Variants in ZBTB7C observed in about 807,000 individuals in gnomAD.
The protein encoded by ZBTB7C is zinc finger and BTB domain-containing protein 7C.
ZBTB7C carries 8 observed loss-of-function variants against 25.7 expected under a neutral mutation model. The observed-to-expected ratio is 0.31, with a 90% CI of 0.18 to 0.56. The LOEUF (loss-of-function observed/expected upper bound fraction) is 0.56. ZBTB7C is among the 20% of genes least tolerant of loss of function. The probability of loss-of-function intolerance (pLI) is 0.91; values close to 1 mark genes in which losing one functional copy is unlikely to be tolerated. For synonymous variants in ZBTB7C, 394 were observed against 369.0 expected (o/e 1.07, Z -0.78); for missense variants, 824 against 855.2 (o/e 0.96, Z 0.46).
At chr18:48,303,994 G>A (rs1319854406) in intron 2 of ZBTB7C, among the ~76,000 whole-genome samples, 1 of 152,194 alleles carries the variant, frequency 6.6e-6, no homozygotes, top group Non-Finnish European at 1.5e-5. Context: ...TTCCAGAGGT[G>A]GGAGCTACGA....
chr18:48,178,398 G>T (rs571588494), intron 3 of ZBTB7C, among the ~76,000 whole-genome samples: 177 of 152,360 alleles, frequency 1.2e-3, no homozygotes, highest in Non-Finnish European at 1.9e-3. Context: ...GGCCTCTTCT[G>T]CCTGCTGCTT....
intron 3 of ZBTB7C, among the ~76,000 whole-genome samples, chr18:48,141,603 G>A (rs1172731342): frequency 6.6e-6 from 1 of 152,190 alleles, no homozygotes; most frequent in Non-Finnish European, 1.5e-5. Flanking sequence ...ACACTAGGTA[G>A]GCTAATATTT....
At chr18:48,095,449 T>C (rs546164588) in intron 3 of ZBTB7C, among the ~76,000 whole-genome samples, 8 of 152,264 alleles carry the variant, frequency 5.3e-5, no homozygotes, top group Non-Finnish European at 1.2e-4. Flanking sequence ...ATGCCACCCA[T>C]GTAACTAATC....
intron 2 of ZBTB7C, among the ~76,000 whole-genome samples, chr18:48,227,880 G>A (rs973584233): frequency 1.3e-4 from 20 of 152,192 alleles, no homozygotes; most frequent in Non-Finnish European, 2.6e-4. Context: ...TGAGAGGGCA[G>A]GAGTTTGGGT....
chr18:48,254,011 G>C (rs1032715930), intron 2 of ZBTB7C, among the ~76,000 whole-genome samples: 5 of 152,190 alleles, frequency 3.3e-5, no homozygotes, highest in Admixed American at 6.5e-5. Context: ...CCCCATAGAA[G>C]AAGTGAATCT....
intron 1 of ZBTB7C, among the ~76,000 whole-genome samples, chr18:48,355,967 C>G (rs928387558): frequency 3.9e-5 from 6 of 152,092 alleles, no homozygotes; most frequent in Non-Finnish European, 5.9e-5. Flanking sequence ...TTTTCCTGGG[C>G]CAGCATCCAC....
chr18:48,110,231 C>A (rs1417053634), intron 3 of ZBTB7C, among the ~76,000 whole-genome samples: 1 of 152,184 alleles, frequency 6.6e-6, no homozygotes, highest in Non-Finnish European at 1.5e-5. Context: ...ACAGTCCATA[C>A]CACACTGATC....
intron 3 of ZBTB7C, chr18:48,137,427 CCTT>C (rs1367280326): frequency 6.4e-5 from 35 of 549,894 alleles, no homozygotes; most frequent in Non-Finnish European, 8.1e-5. Flanking sequence ...CCCCCACTCT[CCTT>C]CTCTAGTACT....
At chr18:48,048,670 G>A (rs2036565527) in intron 3 of ZBTB7C, among the ~76,000 whole-genome samples, 1 of 152,218 alleles carries the variant, frequency 6.6e-6, no homozygotes, top group Non-Finnish European at 1.5e-5. Context: ...GAAGGATGCA[G>A]ACATCTTATG....
intron 2 of ZBTB7C, among the ~76,000 whole-genome samples, chr18:48,250,778 C>CTTT (rs112162935): frequency 9.0e-4 from 131 of 145,326 alleles, no homozygotes; most frequent in South Asian, 4.4e-3. Context: ...TTGAAACAAT[C>CTTT]TTTTTTTTTT....
chr18:48,339,793 T>C (rs891143235), intron 1 of ZBTB7C, among the ~76,000 whole-genome samples: 2 of 152,118 alleles, frequency 1.3e-5, no homozygotes, highest in African/African-American at 4.8e-5. Flanking sequence ...AGCACAGAGA[T>C]AACAGAGTGA....
At chr18:48,121,675 T>A (rs919891730) in intron 3 of ZBTB7C, among the ~76,000 whole-genome samples, 1 of 152,074 alleles carries the variant, frequency 6.6e-6, no homozygotes, top group African/African-American at 2.4e-5. Flanking sequence ...TTGGATTGAA[T>A]GAGAGGCTGG....
At chr18:48,332,926 A>G (rs1168927935) in intron 2 of ZBTB7C, among the ~76,000 whole-genome samples, 1 of 151,804 alleles carries the variant, frequency 6.6e-6, no homozygotes, top group Non-Finnish European at 1.5e-5. Flanking sequence ...AATTACACAA[A>G]TCAAGCTTAT....
intron 4 of ZBTB7C, among the ~76,000 whole-genome samples, chr18:48,032,134 GAC>G (rs1236478733): frequency 2.6e-5 from 4 of 151,934 alleles, no homozygotes; most frequent in African/African-American, 7.3e-5. Context: ...ATTTTTTTGA[GAC>G]AGAGTCTCAC....
At chr18:48,170,777 C>T (rs747560962) in intron 3 of ZBTB7C, among the ~76,000 whole-genome samples, 2 of 152,194 alleles carry the variant, frequency 1.3e-5, no homozygotes, top group African/African-American at 2.4e-5. Flanking sequence ...ACTCACCTCA[C>T]TAGGCCCACC....
chr18:48,224,088 G>C (rs17369381), intron 2 of ZBTB7C, among the ~76,000 whole-genome samples: 2,580 of 152,238 alleles, frequency 0.017, 75 homozygotes, highest in African/African-American at 0.059. Context: ...GCTTTGAACT[G>C]TCTACCTACA....
At chr18:48,173,089 G>A (rs1311312183) in intron 3 of ZBTB7C, among the ~76,000 whole-genome samples, 3 of 152,188 alleles carry the variant, frequency 2.0e-5, no homozygotes, top group African/African-American at 7.2e-5. Flanking sequence ...CTCTTCCCAA[G>A]ATGTTGCCAG....
intron 2 of ZBTB7C, among the ~76,000 whole-genome samples, chr18:48,291,828 C>A (rs924648445): frequency 1.3e-5 from 2 of 152,106 alleles, no homozygotes; most frequent in Non-Finnish European, 2.9e-5. Flanking sequence ...AGTTTGGAGG[C>A]AGGGCTAACT....
At chr18:48,221,511 G>T (rs566436907) in intron 2 of ZBTB7C, among the ~76,000 whole-genome samples, 1 of 137,060 alleles carries the variant, frequency 7.3e-6, no homozygotes, top group South Asian at 2.4e-4. Context: ...TACTGTCCTT[G>T]TCTCCTCTAT....
Sources: gnomAD v4.1 joint callset for allele counts (sites outside exome capture counted in the v4.1 genomes callset) on GRCh38, gnomAD v4.1.1 for gene constraint, MANE v1.5 for transcripts, NCBI Gene and HGNC (gene_info 2026-07-23, HGNC 2026-07-21) for gene names.